The following PDE4DIP variants were observed in gnomAD, a reference collection of about 807,000 sequenced individuals.
PDE4DIP encodes myomegalin.
Under a neutral mutation model 221.4 loss-of-function variants are expected in PDE4DIP, and 59 were observed. The ratio of observed to expected loss-of-function variants is 0.27; its 90% CI spans 0.22 to 0.33. The LOEUF (loss-of-function observed/expected upper bound fraction) is 0.33. PDE4DIP is among the 10% of genes least tolerant of loss of function. The pLI is 1.00. For synonymous variants in PDE4DIP, 404 were observed against 815.9 expected, an observed-to-expected ratio of 0.50 and a Z score of 8.60; for missense variants, 1,036 against 2,154.2, an observed-to-expected ratio of 0.48 and a Z score of 10.28.
rs782418286 is a variant in PDE4DIP, at chr1:148,978,372, TA to T, written c.2532del (p.Glu845AsnfsTer17). ...CTTCTTCGGGAAAAAGTTGCTTCAG[TA>T]GAATCCCAGGGTCAAGAAATTTCAG... On this transcript the variant is annotated frameshift_variant, in exon 19 of 44. Transcript: ENST00000369354. LOFTEE classifies it high-confidence loss of function. 6.8e-6 allele frequency: 11 copies of T among 1,611,608 alleles called. No individual in the cohort carries two copies. The highest frequency in any genetic ancestry group is 2.5e-6 in the Non-Finnish European group (3 of 1,178,204).
Position 148,989,369 on chromosome 1 carries a change from C to G in PDE4DIP, c.2816-2516C>G, listed in dbSNP as rs138808549. On this transcript the variant is annotated intron_variant, in intron 21 of 43. Coordinates refer to ENST00000369354, the Ensembl canonical transcript of PDE4DIP. ...CGAGATGAGATGAGCATTTATTTGT[C>G]TCCGTCGAATTCCTTATGAAGCCAG... 623 of 922,474 alleles carry G rather than the reference C, an allele frequency of 6.8e-4. 7 individuals are homozygous for G. In the East Asian group the frequency reaches 0.014, roughly 21 times the overall value. The allele number at this position is 922,474 out of a possible 1,614,324, so 57.1% of individuals were successfully genotyped here.
chr1:148,996,068 C>T (rs1253853521), intron 22 of PDE4DIP, among the ~76,000 whole-genome samples: 1 of 152,028 alleles, frequency 6.6e-6, no homozygotes, highest in Non-Finnish European at 1.5e-5. Flanking sequence ...ATCAGATGTA[C>T]CTTAAGGTTT....
chr1:149,001,001 G>A, intron 23 of PDE4DIP, among the ~76,000 whole-genome samples: 1 of 150,578 alleles, frequency 6.6e-6, no homozygotes, highest in African/African-American at 2.4e-5. Flanking sequence ...GCAGGCACTT[G>A]TGTAGGTACT....
intron 3 of PDE4DIP, among the ~76,000 whole-genome samples, chr1:148,876,825 C>T (rs1165651153): frequency 8.1e-6 from 1 of 123,112 alleles, no homozygotes; most frequent in East Asian, 2.3e-4. Context: ...ACCAGCCTGG[C>T]CAACATGGTA....
At chr1:148,920,133 T>TCTTA (rs1485555822) in intron 1 of PDE4DIP, among the ~76,000 whole-genome samples, 4 of 146,550 alleles carry the variant, frequency 2.7e-5, no homozygotes, top group African/African-American at 8.1e-5. Flanking sequence ...TTTTTTTGGT[T>TCTTA]TTTATTTATT....
chr1:148,863,391 C>T (rs1685107450), intron 2 of PDE4DIP, 86 bp downstream of exon 2: 1 of 498,726 alleles, frequency 2.0e-6, no homozygotes, highest in Admixed American at 3.4e-5. Context: ...GGTTCTCACT[C>T]TGTCACTATG....
rs56128806 is a variant in PDE4DIP, at chr1:148,899,512, G to A, written c.141+9618G>A. On this transcript the variant is annotated intron_variant, in intron 1 of 43. Coordinates refer to ENST00000369354, the Ensembl canonical transcript of PDE4DIP. ...AAAGAAAATCTGCAAAGGATTATTC[G>A]TGATGACCCCTGAACTTTGTCTTCA... Among the ~76,000 whole-genome samples, 82 of 97,180 alleles carry A rather than the reference G, an allele frequency of 8.4e-4. 15 individuals carry two copies. The highest frequency in any genetic ancestry group is 3.5e-3 in the African/African-American group (73 of 20,980). 63.8% of individuals were successfully genotyped at this position (97,180 alleles called of 152,430 possible). A position where few individuals can be genotyped will look rare whatever the true frequency, so the allele number is the denominator to read the frequency against.
intron 1 of PDE4DIP, among the ~76,000 whole-genome samples, chr1:148,917,117 G>C (rs1214431774): frequency 6.7e-6 from 1 of 149,834 alleles, no homozygotes; most frequent in Non-Finnish European, 1.5e-5. Context: ...GGAGGGGAGA[G>C]AATCGCTGAG....
intron 1 of PDE4DIP, among the ~76,000 whole-genome samples, chr1:148,821,732 A>G (rs510186): frequency 0.61 from 79,922 of 131,692 alleles, 22,340 homozygotes; most frequent in East Asian, 0.86. Flanking sequence ...GGAAGCCAAT[A>G]AAGATTTAAA....
intron 21 of PDE4DIP, chr1:148,984,213 C>T (rs1267173551): frequency 1.2e-4 from 19 of 152,018 alleles, no homozygotes; most frequent in African/African-American, 4.6e-4. Context: ...AGTAGGTCAG[C>T]CTTTTCCTTT....
At chr1:148,890,497 TAA>T (rs1698121246) in intron 1 of PDE4DIP, among the ~76,000 whole-genome samples, 1 of 122,772 alleles carries the variant, frequency 8.1e-6, no homozygotes, top group South Asian at 2.9e-4. Flanking sequence ...CTCATGCCTG[TAA>T]TCCCAGCACT....
exon 2 of PDE4DIP, chr1:148,929,225 G>T: frequency 6.2e-7 from 1 of 1,613,618 alleles, no homozygotes; most frequent in East Asian, 2.2e-5. Context: ...GAAGTGGAGA[G>T]CTTGAAACGA....
chr1:149,010,442 G>T lies in PDE4DIP; in HGVS notation c.4928-1G>T. Reference sequence around the variant, plus strand: ...TTTTCTTTCATTCATGGATTTTATAGATTCCATCCATCATTCGAGTCATTC... The same window carrying T: ...TTTTCTTTCATTCATGGATTTTATATATTCCATCCATCATTCGAGTCATTC... On this transcript the variant is annotated splice_acceptor_variant, in intron 30 of 43. Coordinates refer to ENST00000369354, the Ensembl canonical transcript of PDE4DIP. LOFTEE classifies it high-confidence loss of function. The T allele has an allele frequency of 6.2e-7, 1 of 1,612,962 alleles. No homozygotes were observed. The highest frequency in any genetic ancestry group is 8.5e-7 in the Non-Finnish European group (1 of 1,179,030).
In PDE4DIP at chr1:148,953,960, T is replaced by G; in HGVS notation, c.637-6694T>G. The G allele has an allele frequency of 5.9e-6, 7 of 1,186,258 alleles. No homozygotes were observed. In the South Asian group the frequency reaches 9.2e-5, roughly 16 times the overall value. The allele number at this position is 1,186,258 out of a possible 1,614,324, so 73.5% of individuals were successfully genotyped here. A position where few individuals can be genotyped will look rare whatever the true frequency, so the allele number is the denominator to read the frequency against. The stretch of plus-strand genomic sequence containing the variant: ...TGATTATAGCTAGCTGGCCTCTGGC[T>G]TCACGTGATTTCGGTCTAGGTGGAG... On this transcript the variant is annotated intron_variant, in intron 5 of 43. Transcript: ENST00000369354.
chr1:149,015,339 G>T (rs1553609535), intron 32 of PDE4DIP, among the ~76,000 whole-genome samples: 1 of 151,666 alleles, frequency 6.6e-6, no homozygotes, highest in Non-Finnish European at 1.5e-5. Flanking sequence ...CTGGCAAGTG[G>T]CATTTACACT....
At chr1:148,929,431 T>C (rs587710121) in intron 2 of PDE4DIP, 158 bp downstream of exon 5, 9 of 1,115,832 alleles carry the variant, frequency 8.1e-6, no homozygotes, top group East Asian at 5.6e-5. Flanking sequence ...TGTGTTTCCC[T>C]TGGGCTCTTT....
intron 5 of PDE4DIP, among the ~76,000 whole-genome samples, chr1:148,955,264 C>T (rs1258932407): frequency 6.6e-6 from 1 of 152,230 alleles, no homozygotes; most frequent in Non-Finnish European, 1.5e-5. Context: ...ACAAATTAAA[C>T]ATGGTGTTTT....
At chr1:148,981,491 A>G (rs782815180) in intron 21 of PDE4DIP, 94 bp downstream of exon 24, 2 of 1,472,828 alleles carry the variant, frequency 1.4e-6, no homozygotes, top group Admixed American at 1.7e-5. Context: ...CCTTGTTTGC[A>G]CTAACCAGAA....
intron 5 of PDE4DIP, chr1:148,953,842 G>A (rs201813121): frequency 1.9e-6 from 3 of 1,597,008 alleles, no homozygotes; most frequent in East Asian, 4.5e-5. Flanking sequence ...ATCCCTTGGA[G>A]CTTTCAGACC....
Sources: allele counts gnomAD v4.1 joint callset (sites outside exome capture counted in the v4.1 genomes callset), GRCh38; gene constraint gnomAD v4.1.1; transcripts MANE v1.5; gene names NCBI Gene and HGNC (gene_info 2026-07-23, HGNC 2026-07-21).